The following TSNARE1 variants were observed in gnomAD, a reference collection of about 807,000 sequenced individuals.
TSNARE1 encodes the protein t-SNARE domain-containing protein 1.
In TSNARE1, 49 loss-of-function variants were observed where a neutral mutation model predicts 62.0. The ratio of observed to expected loss-of-function variants is 0.79; its 90% confidence interval spans 0.63 to 1.00. TSNARE1 has a LOEUF of 1.00. Ranked by LOEUF, TSNARE1 falls within the 50% of genes least tolerant of loss-of-function variation. The pLI is 0.00. For synonymous variants in TSNARE1, 328 were observed against 294.4 expected (o/e 1.11, Z -1.17); for missense variants, 755 against 700.1 (o/e 1.08, Z -0.88).
At chr8:142,318,668 GGGGA>G (rs1469162423) in intron 6 of TSNARE1, 34 bp from the exon 7 acceptor site, 1 of 1,609,510 alleles carries the variant, frequency 6.2e-7, no homozygotes, top group Non-Finnish European at 8.5e-7. Flanking sequence ...AGCGAAGGCA[GGGGA>G]GGAAGGCAGC....
intron 13 of TSNARE1, among the ~76,000 whole-genome samples, chr8:142,214,314 C>T (rs1233278744): frequency 6.6e-6 from 1 of 152,228 alleles, no homozygotes; most frequent in African/African-American, 2.4e-5. Flanking sequence ...ACCCTTCATT[C>T]CGCCATGGGG....
At chr8:142,380,890 A>AG (rs973189803) in intron 1 of TSNARE1, among the ~76,000 whole-genome samples, 35 of 151,670 alleles carry the variant, frequency 2.3e-4, no homozygotes, top group East Asian at 5.9e-4. Context: ...GAAATAATAA[A>AG]GGGGGGGGAA....
intron 4 of TSNARE1, among the ~76,000 whole-genome samples, chr8:142,342,358 C>T (rs1832705439): frequency 1.3e-5 from 2 of 152,346 alleles, no homozygotes; most frequent in East Asian, 3.9e-4. Flanking sequence ...TTGCTCAGAT[C>T]CTCTTCCAGA....
intron 12 of TSNARE1, chr8:142,271,366 C>A (rs1819520029): frequency 8.3e-7 from 1 of 1,210,176 alleles, no homozygotes. Context: ...TGCTCTGCTG[C>A]TGGGCCCAGG....
chr8:142,324,528 T>C lies in TSNARE1; in HGVS notation c.894-5894A>G, dbSNP rs753693198. On this transcript the variant is annotated intron_variant, in intron 6 of 13. Transcript: ENST00000524325. ...TAGTCTGCCGGGGCCAGAACCGACC[T>C]GAGTACGGAGGCTCTCGCATTTGCT... Among the ~76,000 whole-genome samples, 136 of 152,228 alleles carry C rather than the reference T, an allele frequency of 8.9e-4. 4 individuals carry two copies. The highest frequency in any genetic ancestry group is 2.9e-4 in the Non-Finnish European group (20 of 68,040).
At chr8:142,356,420 T>C (rs960993491) in intron 1 of TSNARE1, among the ~76,000 whole-genome samples, 2 of 152,180 alleles carry the variant, frequency 1.3e-5, no homozygotes, top group Admixed American at 1.3e-4. Context: ...AGGAGATGTC[T>C]GCTGCCCCAG....
At chr8:142,388,285 A>G (rs984227648) in intron 1 of TSNARE1, among the ~76,000 whole-genome samples, 1 of 152,128 alleles carries the variant, frequency 6.6e-6, no homozygotes, top group Non-Finnish European at 1.5e-5. Context: ...TACCTTTCTC[A>G]ATCCAAAGCC....
intron 1 of TSNARE1, among the ~76,000 whole-genome samples, chr8:142,393,479 G>A (rs1384289769): frequency 1.3e-5 from 2 of 152,246 alleles, no homozygotes; most frequent in Non-Finnish European, 2.9e-5. Context: ...AAGCTACCAC[G>A]GGGAAAACTG....
intron 10 of TSNARE1, among the ~76,000 whole-genome samples, chr8:142,289,410 TC>T (rs1035459410): frequency 2.0e-5 from 3 of 152,046 alleles, no homozygotes; most frequent in African/African-American, 7.2e-5. Flanking sequence ...CCCTCCCTGC[TC>T]CCCAGCCTGA....
At chr8:142,279,752 G>A (rs1180994062) in intron 11 of TSNARE1, 12 of 461,436 alleles carry the variant, frequency 2.6e-5, no homozygotes, top group Non-Finnish European at 3.1e-5. Context: ...TCCCTCGGAG[G>A]GTCTCCCTCT....
rs1176369684 is a variant in TSNARE1 at position 142,283,539 on chromosome 8, CAGTGTCTGTCAATGAGCAGAGGCGGAGTT to C, written c.1363+845_1363+873del. ...GTCTGTCAATGAGCAGAGGCGGGGC[CAGTGTCTGTCAATGAGCAGAGGCGGAGTT>C]AGTGTCTGTCAATGAGCAGAGGCGG... is the stretch of plus-strand genomic sequence containing the variant. On this transcript the variant is annotated intron_variant, in intron 11 of 13. Transcript: ENST00000524325. Among the ~76,000 whole-genome samples the C allele has an allele frequency of 3.8e-4, 50 of 129,948 alleles. 1 individual carries two copies. Among genetic ancestry groups the C allele is most frequent in the African/African-American group, 8.0e-4 (25 of 31,146 alleles). The allele number at this position is 129,948 out of a possible 152,430, so 85.3% of individuals were successfully genotyped here.
chr8:142,280,981 G>A (rs1212582948), intron 11 of TSNARE1, among the ~76,000 whole-genome samples: 1 of 152,224 alleles, frequency 6.6e-6, no homozygotes, highest in Non-Finnish European at 1.5e-5. Flanking sequence ...GGGAGCAGCA[G>A]GGTGCTTGAG....
At chr8:142,298,050 C>A (rs1364720230) in intron 10 of TSNARE1, among the ~76,000 whole-genome samples, 1 of 152,178 alleles carries the variant, frequency 6.6e-6, no homozygotes, top group Non-Finnish European at 1.5e-5. Flanking sequence ...CCCCTGCTAC[C>A]CCCCGTCCGC....
chr8:142,328,832 G>T (rs1830621650), intron 6 of TSNARE1, among the ~76,000 whole-genome samples: 1 of 141,402 alleles, frequency 7.1e-6, no homozygotes, highest in African/African-American at 2.7e-5. Flanking sequence ...GGGGGGGAGG[G>T]TTCCGCACAC....
chr8:142,285,599 G>T lies in TSNARE1; in HGVS notation c.1291-1114C>A, dbSNP rs528947927. ...ATGGAAGAGTGAATGGACGGTATGTGGATGGATGATGGACAGGTGGGTGGG... is the reference window on the plus strand; with the variant it reads ...ATGGAAGAGTGAATGGACGGTATGTTGATGGATGATGGACAGGTGGGTGGG... On this transcript the variant is annotated intron_variant, in intron 10 of 13. Coordinates refer to ENST00000524325, the MANE Select transcript of TSNARE1 (RefSeq NM_145003.5). 1.4e-3 allele frequency among the ~76,000 whole-genome samples: 206 copies of T among 152,146 alleles called. 1 individual carries two copies. The highest frequency in any genetic ancestry group is 3.4e-3 in the Middle Eastern group (1 of 294).
intron 10 of TSNARE1, among the ~76,000 whole-genome samples, chr8:142,288,537 G>A (rs182051068): frequency 1.3e-5 from 2 of 152,352 alleles, no homozygotes; most frequent in East Asian, 1.9e-4. Context: ...CCAAGGCCCC[G>A]GGTCCTCCTG....
intron 12 of TSNARE1, among the ~76,000 whole-genome samples, chr8:142,261,351 G>A (rs1179052067): frequency 1.6e-5 from 2 of 123,048 alleles, no homozygotes; most frequent in Non-Finnish European, 3.5e-5. Context: ...GGGAGGGAGA[G>A]TGGGAGGATG....
chr8:142,350,794 G>C (rs141233718), intron 2 of TSNARE1, among the ~76,000 whole-genome samples: 1 of 152,182 alleles, frequency 6.6e-6, no homozygotes, highest in African/African-American at 2.4e-5. Context: ...ACACCACACA[G>C]GAAAACCCTG....
rs149100826 is a variant in TSNARE1, at chr8:142,212,219, G to A, written c.*106C>T. 3.9e-3 allele frequency: 592 copies of A among 152,484 alleles called. 3 individuals carry two copies. The highest frequency in any genetic ancestry group is 0.019 in the South Asian group (90 of 4,828). The allele number at this position is 152,484 out of a possible 1,614,324, so 9.4% of individuals were successfully genotyped here. A position where few individuals can be genotyped will look rare whatever the true frequency, so the allele number is the denominator to read the frequency against. ...CCAAGTGACGGCATCAGCTGACAAC[G>A]CAGCGGACTCCATCAGCTCCCAGCT... is the stretch of plus-strand genomic sequence containing the variant. On this transcript the variant is annotated 3_prime_UTR_variant, in exon 14 of 14. Coordinates refer to ENST00000524325, the MANE Select transcript of TSNARE1 (RefSeq NM_145003.5).
Sources: gnomAD v4.1 joint callset for allele counts (sites outside exome capture counted in the v4.1 genomes callset) on GRCh38, gnomAD v4.1.1 for gene constraint, MANE v1.5 for transcripts, NCBI Gene and HGNC (gene_info 2026-07-23, HGNC 2026-07-21) for gene names.